Variants in CSPP1 observed in about 807,000 individuals in gnomAD.
The protein encoded by CSPP1 is centrosome and spindle pole-associated protein 1.
CSPP1 carries 126 observed loss-of-function variants against 164.4 expected under a neutral mutation model. That is an observed-to-expected ratio of 0.77 (90% CI 0.66 to 0.89). The LOEUF (loss-of-function observed/expected upper bound fraction) is 0.89. Ranked by LOEUF, CSPP1 falls within the 40% of genes least tolerant of loss-of-function variation. The pLI is 0.00. For synonymous variants in CSPP1, 472 were observed against 476.7 expected, an observed-to-expected ratio of 0.99 and a Z score of 0.13; for missense variants, 1,395 against 1,449.8, an observed-to-expected ratio of 0.96 and a Z score of 0.61.
At chr8:67,193,903 T>C (rs923650239) in intron 30 of CSPP1, among the ~76,000 whole-genome samples, 1 of 152,268 alleles carries the variant, frequency 6.6e-6, no homozygotes, top group Non-Finnish European at 1.5e-5. Flanking sequence ...ATGATAATAG[T>C]AATCACTTTA....
chr8:67,138,477 A>G (rs1240974374), intron 17 of CSPP1, among the ~76,000 whole-genome samples: 2 of 151,318 alleles, frequency 1.3e-5, no homozygotes, highest in Non-Finnish European at 3.0e-5. Context: ...GCAAGCATCC[A>G]TTTTTTTTTG....
At chr8:67,188,086 G>A (rs564560152) in intron 28 of CSPP1, among the ~76,000 whole-genome samples, 175 of 152,296 alleles carry the variant, frequency 1.1e-3, no homozygotes, top group African/African-American at 3.9e-3. Context: ...TTAATTAAGA[G>A]AATGAGAAGA....
intron 1 of CSPP1, among the ~76,000 whole-genome samples, chr8:67,067,690 C>T (rs1294113115): frequency 5.3e-5 from 8 of 151,386 alleles, no homozygotes; most frequent in Admixed American, 1.3e-4. Flanking sequence ...GTCTTGATCT[C>T]CTGACCTCGT....
intron 3 of CSPP1, among the ~76,000 whole-genome samples, chr8:67,081,589 TACTA>T (rs1324389044): frequency 1.2e-4 from 19 of 152,258 alleles, no homozygotes; most frequent in African/African-American, 4.6e-4. Context: ...AAGAAATTCT[TACTA>T]ACTTATTATT....
intron 18 of CSPP1, 122 bp from the exon 19 acceptor site, chr8:67,153,902 T>C: frequency 3.5e-6 from 2 of 575,400 alleles, no homozygotes; most frequent in Non-Finnish European, 6.1e-6. Flanking sequence ...CCCCTTCTGA[T>C]TTTAATCTTT....
At chr8:67,104,120 A>G (rs71517404) in intron 8 of CSPP1, among the ~76,000 whole-genome samples, 4,249 of 152,284 alleles carry the variant, frequency 0.028, 68 homozygotes, top group Non-Finnish European at 0.044. Context: ...ATAATGTCAT[A>G]TGTCAAGAAA....
In CSPP1 at chr8:67,132,706, G is replaced by C. The variant is rs375841322; in HGVS notation, c.1827+626G>C. On this transcript the variant is annotated intron_variant, in intron 16 of 30. Transcript: ENST00000678616. ...CTCAGATATAGGGAATGAGAACAGA[G>C]GGTTTGAAGATGATTCCTAGGAGAA... Among the ~76,000 whole-genome samples, 179 of 152,276 alleles carry C rather than the reference G, an allele frequency of 1.2e-3. 1 individual carries two copies. The highest frequency in any genetic ancestry group is 4.2e-3 in the African/African-American group (175 of 41,556).
chr8:67,127,330 C>T (rs1820280591), intron 15 of CSPP1, among the ~76,000 whole-genome samples: 1 of 152,118 alleles, frequency 6.6e-6, no homozygotes, highest in African/African-American at 2.4e-5. Flanking sequence ...AGATTTGGTT[C>T]CTAGTGAGGG....
chr8:67,088,260 G>A lies in CSPP1; in HGVS notation c.303+2150G>A, dbSNP rs541492425. ...CAAATCTTTAAATTCAAAGGGATGTGAAGGAGTTTTTTAAGATTTTTTTGT... is the reference window on the plus strand; with the variant it reads ...CAAATCTTTAAATTCAAAGGGATGTAAAGGAGTTTTTTAAGATTTTTTTGT... On this transcript the variant is annotated intron_variant, in intron 4 of 30. Transcript: ENST00000678616. Among the ~76,000 whole-genome samples the A allele has an allele frequency of 2.0e-5, 3 of 152,104 alleles. No individual in the cohort carries two copies. The South Asian group carries it at 6.2e-4, about 32-fold the overall frequency.
In CSPP1 at chr8:67,183,806, A is replaced by T. The variant is rs145991067; in HGVS notation, c.3220+3880A>T. Among the ~76,000 whole-genome samples, 58 of 152,052 alleles carry T rather than the reference A, an allele frequency of 3.8e-4. No individual in the cohort carries two copies. The East Asian group carries it at 0.011, about 28-fold the overall frequency. ...AAACCAAAGCCACAATTTATGAAAG[A>T]AATAATTGATAAGCCAGACTATGTA... On this transcript the variant is annotated intron_variant, in intron 28 of 30. Transcript: ENST00000678616.
chr8:67,067,111 G>C (rs1195227204), intron 1 of CSPP1, among the ~76,000 whole-genome samples: 1 of 152,198 alleles, frequency 6.6e-6, no homozygotes. Context: ...CTTTAGGAGG[G>C]AAGTCATTTT....
At chr8:67,115,878 T>C (rs1274991972) in intron 12 of CSPP1, 36 bp from the exon 13 acceptor site, 1 of 1,542,464 alleles carries the variant, frequency 6.5e-7, no homozygotes, top group South Asian at 1.1e-5. Flanking sequence ...AACTTATGAT[T>C]ATATGTAACA....
intron 18 of CSPP1, among the ~76,000 whole-genome samples, chr8:67,153,295 A>G (rs1826054067): frequency 6.6e-6 from 1 of 152,192 alleles, no homozygotes; most frequent in African/African-American, 2.4e-5. Flanking sequence ...TGAGGCTTAA[A>G]TTTAAATGTC....
At position 67,127,679 on chromosome 8, in the gene CSPP1, G is replaced by A. The variant is rs1820366435; in HGVS notation, c.1698-4272G>A. Among the ~76,000 whole-genome samples, 2 of 152,166 alleles carry A rather than the reference G, an allele frequency of 1.3e-5. 1 individual carries two copies. Among genetic ancestry groups the A allele is most frequent in the South Asian group, 4.1e-4 (2 of 4,830 alleles). ...AAGTTCTTATTCTGCCATTCTAGAA[G>A]TGCTTTCTATAAATCAGCTTTAGAA... On this transcript the variant is annotated intron_variant, in intron 15 of 30. Transcript: ENST00000678616.
At chr8:67,146,749 T>G (rs997109421) in intron 17 of CSPP1, among the ~76,000 whole-genome samples, 1 of 152,016 alleles carries the variant, frequency 6.6e-6, no homozygotes. Flanking sequence ...CTTGTGAAGT[T>G]AATTAAAATT....
rs532740846 is a variant in CSPP1 at position 67,169,139 on chromosome 8, T to C, written c.2829-3277T>C. 2.0e-5 allele frequency among the ~76,000 whole-genome samples: 3 copies of C among 152,328 alleles called. No homozygotes were observed. The South Asian group carries it at 6.2e-4, about 32-fold the overall frequency. On this transcript the variant is annotated intron_variant, in intron 24 of 30. Transcript: ENST00000678616. ...GGAGGAGTCTGACTAAGCCTCATAA[T>C]GACCATAGCTTAGAGCTCCATTTTC...
chr8:67,066,796 G>C (rs1805657846), intron 1 of CSPP1, among the ~76,000 whole-genome samples: 2 of 151,896 alleles, frequency 1.3e-5, no homozygotes, highest in African/African-American at 4.8e-5. Context: ...TTGTTTGTTT[G>C]TTTGTTTTTT....
At chr8:67,167,243 C>T (rs1361559125) in intron 24 of CSPP1, among the ~76,000 whole-genome samples, 3 of 152,240 alleles carry the variant, frequency 2.0e-5, no homozygotes, top group African/African-American at 7.2e-5. Flanking sequence ...TTGGGTACAC[C>T]TCCCAGACGG....
rs145694560 is a variant in CSPP1 at position 67,098,183 on chromosome 8, C to T, written c.923+2451C>T. 1.9e-3 allele frequency among the ~76,000 whole-genome samples: 284 copies of T among 151,500 alleles called. 4 individuals carry two copies. Among genetic ancestry groups the T allele is most frequent in the African/African-American group, 6.6e-3 (273 of 41,434 alleles). On this transcript the variant is annotated intron_variant, in intron 7 of 30. Coordinates refer to ENST00000678616, the MANE Select transcript of CSPP1 (RefSeq NM_001382391.1). ...TCATCTCTTGCTCCAAGCATTTATTCTTAACATACTATGCAATCTTGATCA... is the reference window on the plus strand; with the variant it reads ...TCATCTCTTGCTCCAAGCATTTATTTTTAACATACTATGCAATCTTGATCA...
Sources: gnomAD v4.1 joint callset for allele counts (sites outside exome capture counted in the v4.1 genomes callset) on GRCh38, gnomAD v4.1.1 for gene constraint, MANE v1.5 for transcripts, NCBI Gene and HGNC (gene_info 2026-07-23, HGNC 2026-07-21) for gene names.